The following LYRM4 variants were observed in gnomAD, a reference collection of about 807,000 sequenced individuals.
LYRM4 encodes the protein LYR motif containing 4.
In LYRM4, 9 loss-of-function variants were observed where a neutral mutation model predicts 11.7. The observed-to-expected ratio is 0.77, with a 90% CI of 0.46 to 1.34. The LOEUF is 1.34. Ranked by LOEUF, LYRM4 falls within the 40% of genes most tolerant of loss-of-function variation. The pLI is 0.00. For synonymous variants in LYRM4, 42 were observed against 40.4 expected (o/e 1.04, Z -0.15); for missense variants, 133 against 112.5 (o/e 1.18, Z -0.82).
At chr6:5,046,192 G>A in the LYRM4 span, among the ~76,000 whole-genome samples, 71 of 151,360 alleles carry the variant, frequency 4.7e-4, no homozygotes, top group African/African-American at 1.7e-3. Flanking sequence ...CGTTTCCCAC[G>A]CTGCAGTGCA....
At chr6:5,174,599 C>T (rs906900926) in intron 2 of LYRM4, among the ~76,000 whole-genome samples, 8 of 152,186 alleles carry the variant, frequency 5.3e-5, no homozygotes, top group African/African-American at 1.9e-4. Context: ...TCAAGGAGGG[C>T]AGGCAGAAAA....
intron 1 of LYRM4, among the ~76,000 whole-genome samples, chr6:5,217,846 C>T (rs1451117465): frequency 6.6e-6 from 1 of 152,188 alleles, no homozygotes; most frequent in African/African-American, 2.4e-5. Flanking sequence ...CCCAACTACT[C>T]CAGATTGAAA....
At chr6:5,072,629 A>C in the LYRM4 span, among the ~76,000 whole-genome samples, 1 of 143,926 alleles carries the variant, frequency 6.9e-6, no homozygotes, top group Non-Finnish European at 1.5e-5. Flanking sequence ...CCCAGGCTGG[A>C]GTTCAATGGC....
intron 2 of LYRM4, among the ~76,000 whole-genome samples, chr6:5,193,155 G>T (rs1760860858): frequency 6.6e-6 from 1 of 152,156 alleles, no homozygotes; most frequent in Admixed American, 6.5e-5. Flanking sequence ...CAAGAAGAGA[G>T]GGCTGACATG....
the LYRM4 span, among the ~76,000 whole-genome samples, chr6:5,037,564 C>T: frequency 1.2e-5 from 1 of 82,538 alleles, no homozygotes; most frequent in Non-Finnish European, 2.9e-5. Context: ...CAGAGGGGCT[C>T]CTCACTTCCC....
intron 2 of LYRM4, among the ~76,000 whole-genome samples, chr6:5,166,781 G>A (rs538227695): frequency 6.6e-6 from 1 of 152,246 alleles, no homozygotes; most frequent in Admixed American, 6.5e-5. Context: ...GGATGAACTG[G>A]GACCATTTGT....
At chr6:5,154,063 A>T (rs1010377289) in intron 2 of LYRM4, among the ~76,000 whole-genome samples, 2 of 152,202 alleles carry the variant, frequency 1.3e-5, no homozygotes, top group African/African-American at 4.8e-5. Context: ...TAAGTTATAG[A>T]GTCAACCAAG....
chr6:5,184,449 C>G (rs891742167), intron 2 of LYRM4, among the ~76,000 whole-genome samples: 1 of 152,098 alleles, frequency 6.6e-6, no homozygotes, highest in East Asian at 1.9e-4. Flanking sequence ...TATTAATAAG[C>G]ACATAGCCAT....
intron 2 of LYRM4, among the ~76,000 whole-genome samples, chr6:5,154,736 G>C (rs1026805153): frequency 6.6e-6 from 1 of 152,096 alleles, no homozygotes; most frequent in African/African-American, 2.4e-5. Context: ...GGAGAATGGC[G>C]TGAACCCGGG....
chr6:5,229,111 A>G (rs1416098681), intron 1 of LYRM4, among the ~76,000 whole-genome samples: 5 of 152,184 alleles, frequency 3.3e-5, no homozygotes, highest in African/African-American at 1.2e-4. Flanking sequence ...TATTTGTTAA[A>G]CAAGTTCAAA....
chr6:5,102,095 AT>A (rs539153166), downstream of LYRM4, among the ~76,000 whole-genome samples: 246 of 143,556 alleles, frequency 1.7e-3, 1 homozygote, highest in Non-Finnish European at 3.0e-3. Flanking sequence ...ACCTGGCCTG[AT>A]TTTTTTTTTA....
the LYRM4 span, among the ~76,000 whole-genome samples, chr6:5,062,392 G>A: frequency 6.6e-6 from 1 of 151,548 alleles, no homozygotes; most frequent in African/African-American, 2.4e-5. Flanking sequence ...TCGAACTCCT[G>A]GCATCAAGTG....
the LYRM4 span, chr6:5,066,736 T>C: frequency 1.3e-6 from 1 of 765,142 alleles, no homozygotes; most frequent in Non-Finnish European, 2.3e-6. Context: ...TGCGCCAGGG[T>C]CTCAGCCAAT....
chr6:5,249,408 G>T (rs1280620327), intron 1 of LYRM4, among the ~76,000 whole-genome samples: 1 of 152,170 alleles, frequency 6.6e-6, no homozygotes, highest in Admixed American at 6.5e-5. Context: ...CAATTTTGGG[G>T]AAAGATAGGG....
At chr6:5,085,867 T>C in the LYRM4 span, 4 of 1,530,924 alleles carry the variant, frequency 2.6e-6, no homozygotes, top group Middle Eastern at 2.0e-4. Flanking sequence ...CTGCGCCAAG[T>C]GCAAGAAGCG....
chr6:5,213,928 G>A (rs1343762562), intron 2 of LYRM4, among the ~76,000 whole-genome samples: 1 of 152,224 alleles, frequency 6.6e-6, no homozygotes, highest in Non-Finnish European at 1.5e-5. Flanking sequence ...TACAACGCAT[G>A]AAGTAGGGCT....
At chr6:5,178,284 A>G (rs1194759476) in intron 2 of LYRM4, among the ~76,000 whole-genome samples, 2 of 152,116 alleles carry the variant, frequency 1.3e-5, no homozygotes, top group Non-Finnish European at 2.9e-5. Context: ...ATACTACTCA[A>G]TTTTCTTATG....
intron 2 of LYRM4, among the ~76,000 whole-genome samples, chr6:5,202,792 T>C (rs1488432214): frequency 1.3e-5 from 2 of 152,234 alleles, no homozygotes; most frequent in Non-Finnish European, 2.9e-5. Context: ...TTAGACTTTT[T>C]GCTTTTTTCA....
intron 1 of LYRM4, among the ~76,000 whole-genome samples, chr6:5,223,079 A>G (rs1762679818): frequency 6.6e-6 from 1 of 152,240 alleles, no homozygotes; most frequent in Admixed American, 6.5e-5. Flanking sequence ...GACAATGCCA[A>G]GATATCTACT....
Sources: allele counts gnomAD v4.1 joint callset (sites outside exome capture counted in the v4.1 genomes callset), GRCh38; gene constraint gnomAD v4.1.1; transcripts MANE v1.5; gene names NCBI Gene and HGNC (gene_info 2026-07-23, HGNC 2026-07-21).